PXN: variants seen among roughly 807,000 people sequenced by gnomAD.
PXN encodes the protein testicular tissue protein Li 134.
Under a neutral mutation model 103.6 loss-of-function variants are expected in PXN, and 61 were observed. The observed-to-expected ratio is 0.59, with a 90% confidence interval of 0.48 to 0.73. The LOEUF is 0.73. PXN is among the 30% of genes least tolerant of loss of function. The probability of loss-of-function intolerance (pLI) is 0.00; values close to 1 mark genes in which losing one functional copy is unlikely to be tolerated. For synonymous variants in PXN, 562 were observed against 607.8 expected (o/e 0.92, Z 1.11); for missense variants, 1,274 against 1,460.3 (o/e 0.87, Z 2.08).
chr12:120,224,432 C>T lies in PXN; in HGVS notation c.14-55G>A, dbSNP rs11065054. The T allele has an allele frequency of 0.055, 72,961 of 1,316,830 alleles. 2,386 individuals are homozygous for T. The highest frequency in any genetic ancestry group is 0.06 in the Non-Finnish European group (55,114 of 911,196). 81.6% of individuals were successfully genotyped at this position (1,316,830 alleles called of 1,614,324 possible). ...AGAACCGGGATCCTGGGGACTCTCC[C>T]GTGGCAGGGCCCTCCCTGCCTGCAC... On this transcript the variant is annotated intron_variant, in intron 1 of 14. Coordinates refer to ENST00000637617, the MANE Select transcript of PXN (RefSeq NM_001385981.1). This position sits in a 1 kb window ranked among gnomAD's most constrained non-coding sequence, Gnocchi z 5.0.
intron 1 of PXN, among the ~76,000 whole-genome samples, chr12:120,258,088 G>C (rs1286333025): frequency 1.3e-5 from 2 of 152,008 alleles, no homozygotes; most frequent in African/African-American, 4.8e-5. Context: ...AGCTACTGCG[G>C]AGGCTGAGGC....
At position 120,260,185 on chromosome 12, in the gene PXN, C is replaced by T. The variant is rs549720251; in HGVS notation, c.13+5432G>A. On this transcript the variant is annotated intron_variant, in intron 1 of 14. Transcript: ENST00000637617. Reference sequence around the variant, plus strand: ...AACAGGAGACACTCCCCCCAGGACCCTGCATCCCATCCTGAGTGTGTGTCC... The same window carrying T: ...AACAGGAGACACTCCCCCCAGGACCTTGCATCCCATCCTGAGTGTGTGTCC... 4.6e-5 allele frequency among the ~76,000 whole-genome samples: 7 copies of T among 152,296 alleles called. No homozygotes were observed. The South Asian group carries it at 1.2e-3, about 27-fold the overall frequency.
In PXN at chr12:120,216,605, G is replaced by T. The variant is rs1209270575; in HGVS notation, c.1993-24C>A. ...ACCTGGGGAGAAGAAAGGAGGGAGA[G>T]CGATGAGGAAGAAATCGCCAGCTCA... is the stretch of plus-strand genomic sequence containing the variant. On this transcript the variant is annotated intron_variant, in intron 8 of 14. Coordinates refer to ENST00000637617, the MANE Select transcript of PXN (RefSeq NM_001385981.1). The surrounding 1 kb of genome is among the most constrained non-coding windows in gnomAD (Gnocchi z 5.1). The T allele has an allele frequency of 2.7e-6, 4 of 1,485,572 alleles. No individual in the cohort carries two copies. Among genetic ancestry groups the T allele is most frequent in the Non-Finnish European group, 3.5e-6 (4 of 1,132,624 alleles). 92.0% of individuals were successfully genotyped at this position (1,485,572 alleles called of 1,614,324 possible).
rs1324281766 is a variant in PXN at position 120,211,770 on chromosome 12, G to C, written c.*544C>G. On this transcript the variant is annotated 3_prime_UTR_variant, in exon 15 of 15. Transcript: ENST00000637617. ...TCGCCAGGCCTAGGGCACTGGAAGG[G>C]TAGGAGGAGCACAGAGAACCTTCCA... is the stretch of plus-strand genomic sequence containing the variant. 3.4e-5 allele frequency: 13 copies of C among 386,686 alleles called. No homozygotes were observed. Among genetic ancestry groups the C allele is most frequent in the Non-Finnish European group, 6.8e-5 (13 of 190,990 alleles). The allele number at this position is 386,686 out of a possible 1,614,324, so 24.0% of individuals were successfully genotyped here.
At chr12:120,218,817 T>C (rs1175780107) in intron 7 of PXN, among the ~76,000 whole-genome samples, 1 of 152,224 alleles carries the variant, frequency 6.6e-6, no homozygotes, top group South Asian at 2.1e-4. Flanking sequence ...ATGGAAATTC[T>C]CCCCACTTTA....
In PXN at chr12:120,215,464, C is replaced by T. The variant is rs1329680235; in HGVS notation, c.2403+96G>A. ...CAGGACTCCTGGTGGTCGGAGGGGC[C>T]CACCAGGGTCGGAAAGGCTGAGGGC... On this transcript the variant is annotated intron_variant, in intron 10 of 14. Transcript: ENST00000637617. The surrounding 1 kb of genome is among the most constrained non-coding windows in gnomAD (Gnocchi z 4.9). 1 of 1,482,090 alleles carries T rather than the reference C, an allele frequency of 6.7e-7. No individual in the cohort carries two copies. The allele number at this position is 1,482,090 out of a possible 1,614,324, so 91.8% of individuals were successfully genotyped here.
In PXN at chr12:120,215,191, C is replaced by T; in HGVS notation, c.2486G>A (p.Gly829Glu). Residue 829 changes from glycine to glutamate, a missense_variant, in exon 11 of 15, where the codon GGG becomes GAG. Around this residue, in one of 2 missense-constraint regions of PXN, gnomAD observed 1,178 missense variants for 1,309.0 expected, o/e 0.90. Transcript: ENST00000637617. This position sits in a 1 kb window ranked among gnomAD's most constrained non-coding sequence, Gnocchi z 4.9. Reference protein sequence around the residue: ...KPGSQLDSMLGSLQSDLNKLG... With the variant: ...KPGSQLDSMLESLQSDLNKLG... ...CTTGTTCAGGTCAGACTGCAGGCTC[C>T]CCAGCATGCTGTCCAGCTGGCTCCC... 2 of 1,594,102 alleles carry T rather than the reference C, an allele frequency of 1.3e-6. No individual in the cohort carries two copies. The highest frequency in any genetic ancestry group is 1.7e-6 in the Non-Finnish European group (2 of 1,169,494).
chr12:120,221,765 G>C lies in PXN; in HGVS notation c.696-7C>G, dbSNP rs1258802993. The C allele has an allele frequency of 5.1e-6, 8 of 1,560,498 alleles. No homozygotes were observed. Among genetic ancestry groups the C allele is most frequent in the Admixed American group, 1.9e-5 (1 of 53,254 alleles). On this transcript the variant is annotated splice_region_variant and splice_polypyrimidine_tract_variant and intron_variant, in intron 5 of 14. Coordinates refer to ENST00000637617, the MANE Select transcript of PXN (RefSeq NM_001385981.1). This position sits in a 1 kb window ranked among gnomAD's most constrained non-coding sequence, Gnocchi z 6.6. ...GTTCACAGTGATGGCAGGGCTGCAGGGTGGGCACAGCATCAGTGGGGAGCC... is the reference window on the plus strand; with the variant it reads ...GTTCACAGTGATGGCAGGGCTGCAGCGTGGGCACAGCATCAGTGGGGAGCC...
At chr12:120,263,115 G>A (rs1017178621) in intron 1 of PXN, among the ~76,000 whole-genome samples, 2 of 152,136 alleles carry the variant, frequency 1.3e-5, no homozygotes, top group Non-Finnish European at 1.5e-5. Flanking sequence ...GGAGGCACAC[G>A]GCTGAGAGCA....
chr12:120,239,704 T>C (rs1443832409), intron 1 of PXN, among the ~76,000 whole-genome samples: 1 of 152,130 alleles, frequency 6.6e-6, no homozygotes, highest in Non-Finnish European at 1.5e-5. Flanking sequence ...TGACCTGAGA[T>C]CACACCACTG....
intron 1 of PXN, among the ~76,000 whole-genome samples, chr12:120,235,114 C>A (rs1888780388): frequency 6.6e-6 from 1 of 152,136 alleles, no homozygotes; most frequent in Non-Finnish European, 1.5e-5. Flanking sequence ...TCCACCCCCA[C>A]CCCATCCCTA....
In PXN at chr12:120,213,731, A is replaced by G; in HGVS notation, c.2979+111T>C. On this transcript the variant is annotated intron_variant, in intron 14 of 14. Coordinates refer to ENST00000637617, the MANE Select transcript of PXN (RefSeq NM_001385981.1). The surrounding 1 kb of genome is among the most constrained non-coding windows in gnomAD (Gnocchi z 4.2). Reference sequence around the variant, plus strand: ...AGATCCCCTGCCTGCTCCCCCAATTAATAACCCCAAATGAGGCCTCTGAGT... The same window carrying G: ...AGATCCCCTGCCTGCTCCCCCAATTGATAACCCCAAATGAGGCCTCTGAGT... 7.1e-7 allele frequency: 1 copy of G among 1,409,256 alleles called. No individual in the cohort carries two copies. Among genetic ancestry groups the G allele is most frequent in the South Asian group, 1.3e-5 (1 of 75,102 alleles). 87.3% of individuals were successfully genotyped at this position (1,409,256 alleles called of 1,614,324 possible). A position where few individuals can be genotyped will look rare whatever the true frequency, so the allele number is the denominator to read the frequency against.
rs566379928 is a variant in PXN at position 120,260,823 on chromosome 12, G to A, written c.13+4794C>T. On this transcript the variant is annotated intron_variant, in intron 1 of 14. Coordinates refer to ENST00000637617, the MANE Select transcript of PXN (RefSeq NM_001385981.1). The stretch of plus-strand genomic sequence containing the variant: ...TCCACAAAAAATTTCAAAAATTAGC[G>A]GGGCGTTACGGCATATGCCTGTAGT... Among the ~76,000 whole-genome samples the A allele has an allele frequency of 4.6e-5, 7 of 152,220 alleles. 1 individual carries two copies. Among genetic ancestry groups the A allele is most frequent in the Admixed American group, 2.0e-4 (3 of 15,288 alleles).
chr12:120,227,161 G>T (rs1887031339), intron 1 of PXN: 1 of 988,032 alleles, frequency 1.0e-6, no homozygotes, highest in South Asian at 4.6e-5. Context: ...TCAAATTGTA[G>T]CATGTCCCAG....
In PXN at chr12:120,228,454, C is replaced by T. The variant is rs868188596; in HGVS notation, c.14-4077G>A. On this transcript the variant is annotated intron_variant, in intron 1 of 14. Coordinates refer to ENST00000637617, the MANE Select transcript of PXN (RefSeq NM_001385981.1). The surrounding 1 kb of genome is among the most constrained non-coding windows in gnomAD (Gnocchi z 4.7). ...CCCAGCGAGCCATGGGCAAAGGCCA[C>T]GGAGCTATGTCCTGGCTCCGCCCTG... Among the ~76,000 whole-genome samples, 3 of 152,204 alleles carry T rather than the reference C, an allele frequency of 2.0e-5. No individual in the cohort carries two copies. The highest frequency in any genetic ancestry group is 7.2e-5 in the African/African-American group (3 of 41,452).
chr12:120,234,404 G>A (rs1398603982), intron 1 of PXN, among the ~76,000 whole-genome samples: 1 of 152,034 alleles, frequency 6.6e-6, no homozygotes, highest in African/African-American at 2.4e-5. Context: ...GTAAGACTCT[G>A]TCTCAAAAAA....
chr12:120,223,261 G>A (rs889824083), intron 3 of PXN, among the ~76,000 whole-genome samples: 1 of 151,996 alleles, frequency 6.6e-6, no homozygotes, highest in Non-Finnish European at 1.5e-5. Flanking sequence ...GGCTAACACG[G>A]TGAAACCCCG....
rs1327239018 is a variant in PXN, at chr12:120,219,533, GCT to G, written c.1388_1389del (p.Glu463AlafsTer67). 12 of 1,590,806 alleles carry G rather than the reference GCT, an allele frequency of 7.5e-6. No individual in the cohort carries two copies. Among genetic ancestry groups the G allele is most frequent in the African/African-American group, 1.3e-5 (1 of 74,888 alleles). ...GAARSFQEVT[E>X]PAVVAVDRQA... is the part of the protein sequence containing the mutation. ...TGCCGGTCCACTGCCACTACAGCTG[GCT>G]CTGTTACTTCTTGGAAGCTTCGAGC... On this transcript the variant is annotated frameshift_variant, in exon 7 of 15. Coordinates refer to ENST00000637617, the MANE Select transcript of PXN (RefSeq NM_001385981.1). LOFTEE classifies it high-confidence loss of function. This position sits in a 1 kb window ranked among gnomAD's most constrained non-coding sequence, Gnocchi z 6.5.
At position 120,212,016 on chromosome 12, in the gene PXN, C is replaced by T. The variant is rs1048067757; in HGVS notation, c.*298G>A. 1 of 646,486 alleles carries T rather than the reference C, an allele frequency of 1.5e-6. No individual in the cohort carries two copies. Among genetic ancestry groups the T allele is most frequent in the East Asian group, 3.3e-5 (1 of 30,076 alleles). The allele number at this position is 646,486 out of a possible 1,614,324, so 40.0% of individuals were successfully genotyped here. ...GCTCCAGTGTGGGGTGCTGGCCAGG[C>T]CAGTTCGTGGGGACGTACATGGGCT... On this transcript the variant is annotated 3_prime_UTR_variant, in exon 15 of 15. Coordinates refer to ENST00000637617, the MANE Select transcript of PXN (RefSeq NM_001385981.1). The surrounding 1 kb of genome is among the most constrained non-coding windows in gnomAD (Gnocchi z 7.2).
Sources: allele counts gnomAD v4.1 joint callset (sites outside exome capture counted in the v4.1 genomes callset), GRCh38; gene constraint gnomAD v4.1.1; regional missense constraint gnomAD v4.1.1; non-coding constraint Gnocchi (gnomAD v3.1); transcripts MANE v1.5; gene names NCBI Gene and HGNC (gene_info 2026-07-23, HGNC 2026-07-21).